Variants in ABTB3 observed in about 807,000 individuals in gnomAD.
ABTB3 encodes the protein ankyrin repeat and BTB domain containing 3.
chr12:107,356,852 C>T, the ABTB3 span, among the ~76,000 whole-genome samples: 5 of 152,330 alleles, frequency 3.3e-5, no homozygotes, highest in Middle Eastern at 6.8e-3. Flanking sequence ...TTACTGAGAA[C>T]CTACTACATG....
chr12:107,345,071 C>G, the ABTB3 span, among the ~76,000 whole-genome samples: 1 of 152,128 alleles, frequency 6.6e-6, no homozygotes, highest in Admixed American at 6.5e-5. Flanking sequence ...AGCTGGATAC[C>G]ACCCTTGCTT....
At chr12:107,442,161 C>T in the ABTB3 span, among the ~76,000 whole-genome samples, 1 of 152,108 alleles carries the variant, frequency 6.6e-6, no homozygotes, top group Admixed American at 6.5e-5. Context: ...ATTTCCGGGG[C>T]CTAGCACAGG....
chr12:107,444,658 G>C, the ABTB3 span, among the ~76,000 whole-genome samples: 1 of 152,192 alleles, frequency 6.6e-6, no homozygotes, highest in Non-Finnish European at 1.5e-5. Context: ...AGGTCTGCTC[G>C]AGATGAAATT....
At chr12:107,623,418 G>A in the ABTB3 span, among the ~76,000 whole-genome samples, 1 of 143,224 alleles carries the variant, frequency 7.0e-6, no homozygotes, top group Non-Finnish European at 1.5e-5. Flanking sequence ...CCAGGCTGGA[G>A]TGTAGTGGTG....
the ABTB3 span, among the ~76,000 whole-genome samples, chr12:107,614,207 C>A: frequency 1.3e-5 from 2 of 152,156 alleles, no homozygotes; most frequent in Non-Finnish European, 2.9e-5. Flanking sequence ...TCTTGCAAGA[C>A]CCTGGCCTTC....
At chr12:107,341,680 T>C in the ABTB3 span, among the ~76,000 whole-genome samples, 1 of 152,202 alleles carries the variant, frequency 6.6e-6, no homozygotes, top group Admixed American at 6.5e-5. Flanking sequence ...AAGTGATCCC[T>C]GAGGAGCTGG....
the ABTB3 span, among the ~76,000 whole-genome samples, chr12:107,647,123 A>G: frequency 1.3e-5 from 2 of 152,158 alleles, no homozygotes; most frequent in Admixed American, 6.5e-5. Flanking sequence ...TGAGCTCAAG[A>G]GTTCAAGACC....
the ABTB3 span, among the ~76,000 whole-genome samples, chr12:107,534,547 G>T: frequency 6.6e-6 from 1 of 152,106 alleles, no homozygotes; most frequent in African/African-American, 2.4e-5. Flanking sequence ...CAAACCTTTA[G>T]CTAGACTAAG....
At chr12:107,623,015 A>AT in the ABTB3 span, among the ~76,000 whole-genome samples, 4 of 149,436 alleles carry the variant, frequency 2.7e-5, no homozygotes, top group Non-Finnish European at 5.9e-5. Flanking sequence ...CAATATATTC[A>AT]TTTTTTTGAA....
At chr12:107,385,529 T>C in the ABTB3 span, among the ~76,000 whole-genome samples, 1 of 152,190 alleles carries the variant, frequency 6.6e-6, no homozygotes, top group Non-Finnish European at 1.5e-5. Context: ...TCGTCAGGGT[T>C]GGGGGTGGCC....
the ABTB3 span, among the ~76,000 whole-genome samples, chr12:107,337,011 G>A: frequency 6.6e-6 from 1 of 152,214 alleles, no homozygotes; most frequent in Non-Finnish European, 1.5e-5. Flanking sequence ...TTCAAAGCTT[G>A]CTTCTCTTTG....
the ABTB3 span, among the ~76,000 whole-genome samples, chr12:107,516,055 GCGCA>G: frequency 3.3e-5 from 2 of 61,130 alleles, no homozygotes; most frequent in South Asian, 4.5e-4. Flanking sequence ...GTGTGTGTGT[GCGCA>G]CACACACACC....
the ABTB3 span, among the ~76,000 whole-genome samples, chr12:107,623,534 T>G: frequency 1.3e-5 from 2 of 152,040 alleles, no homozygotes; most frequent in African/African-American, 4.8e-5. Flanking sequence ...GCCTGGCTAA[T>G]TTTTATATTT....
the ABTB3 span, among the ~76,000 whole-genome samples, chr12:107,572,213 T>C: frequency 6.6e-6 from 1 of 152,066 alleles, no homozygotes; most frequent in African/African-American, 2.4e-5. Context: ...AGATAAAGAC[T>C]GGAGTGACTA....
At chr12:107,449,576 ACTGT>A in the ABTB3 span, among the ~76,000 whole-genome samples, 1 of 152,150 alleles carries the variant, frequency 6.6e-6, no homozygotes, top group East Asian at 1.9e-4. Flanking sequence ...ACAGTTACAG[ACTGT>A]CTGAGTACCC....
the ABTB3 span, among the ~76,000 whole-genome samples, chr12:107,423,834 C>T: frequency 6.6e-6 from 1 of 152,216 alleles, no homozygotes. Flanking sequence ...GCTGGTTTTG[C>T]TTCATTGAAG....
the ABTB3 span, among the ~76,000 whole-genome samples, chr12:107,535,879 C>T: frequency 2.6e-5 from 4 of 152,060 alleles, no homozygotes; most frequent in Admixed American, 2.6e-4. Context: ...CAATGACATT[C>T]TTCAAAGAAA....
chr12:107,584,880 G>T, the ABTB3 span, among the ~76,000 whole-genome samples: 2 of 152,154 alleles, frequency 1.3e-5, no homozygotes, highest in Non-Finnish European at 2.9e-5. Flanking sequence ...ATTCCATGAG[G>T]CTGCATTTCT....
the ABTB3 span, among the ~76,000 whole-genome samples, chr12:107,542,655 C>T: frequency 6.6e-6 from 1 of 152,156 alleles, no homozygotes; most frequent in East Asian, 1.9e-4. Context: ...TAACTTTTGA[C>T]TCCCCAAAAG....
Sources: gnomAD v4.1 joint callset for allele counts (sites outside exome capture counted in the v4.1 genomes callset) on GRCh38, gnomAD v4.1.1 for gene constraint, MANE v1.5 for transcripts, NCBI Gene and HGNC (gene_info 2026-07-23, HGNC 2026-07-21) for gene names.